AFF4: variants seen among roughly 807,000 people sequenced by gnomAD.
The protein encoded by AFF4 is ALF transcription elongation factor 4, also known as AF4/FMR2 family member 4.
AFF4 carries 13 observed loss-of-function variants against 124.8 expected under a neutral mutation model. The observed-to-expected ratio is 0.10, with a 90% CI of 0.07 to 0.17. The LOEUF is 0.17. Among genes scored for constraint, AFF4 ranks in the 10% least tolerant of loss-of-function variants. The probability of loss-of-function intolerance (pLI) is 1.00; values close to 1 mark genes in which losing one functional copy is unlikely to be tolerated. For synonymous variants in AFF4, 477 were observed against 496.1 expected (o/e 0.96, Z 0.51); for missense variants, 1,092 against 1,403.8 (o/e 0.78, Z 3.55).
chr5:132,925,067 C>T (rs1389614104), intron 5 of AFF4, among the ~76,000 whole-genome samples: 1 of 151,702 alleles, frequency 6.6e-6, no homozygotes, highest in Non-Finnish European at 1.5e-5. Flanking sequence ...CCCAGCTACT[C>T]GGGAGGCTGA....
intron 11 of AFF4, among the ~76,000 whole-genome samples, chr5:132,895,961 TTA>T (rs1330091933): frequency 5.9e-5 from 9 of 152,172 alleles, no homozygotes; most frequent in African/African-American, 1.9e-4. Context: ...ATGGTAGGGA[TTA>T]TAACAATACG....
chr5:132,900,839 T>G (rs1276296781), intron 7 of AFF4: 10 of 973,070 alleles, frequency 1.0e-5, no homozygotes, highest in Non-Finnish European at 1.1e-5. Flanking sequence ...ACTAGGAAAA[T>G]GTCTAATTTC....
chr5:132,879,050 G>C lies in AFF4; in HGVS notation c.*2009C>G, dbSNP rs1408874677. 4.5e-6 allele frequency: 1 copy of C among 222,146 alleles called. No individual in the cohort carries two copies. Among genetic ancestry groups the C allele is most frequent in the Admixed American group, 5.8e-5 (1 of 17,378 alleles). 13.8% of individuals were successfully genotyped at this position (222,146 alleles called of 1,614,324 possible). On this transcript the variant is annotated 3_prime_UTR_variant, in exon 21 of 21. Coordinates refer to ENST00000265343, the MANE Select transcript of AFF4 (RefSeq NM_014423.4). ...AGAAGTTGTCCTCTTATGGAAAACT[G>C]TTCCTAGAACACACTAAGATTAAGT...
intron 1 of AFF4, among the ~76,000 whole-genome samples, chr5:132,941,026 C>CA (rs35070481): frequency 4.0e-4 from 58 of 144,396 alleles, no homozygotes; most frequent in East Asian, 8.0e-4. Context: ...AACTACATCT[C>CA]AAAAAAAAAA....
intron 2 of AFF4, 145 bp downstream of exon 2, chr5:132,936,922 A>T: frequency 9.0e-7 from 1 of 1,105,340 alleles, no homozygotes; most frequent in Admixed American, 2.9e-5. Flanking sequence ...TCCCCAAAAA[A>T]TATCTTCTAT....
intron 5 of AFF4, among the ~76,000 whole-genome samples, chr5:132,907,374 T>G (rs1439316165): frequency 6.6e-6 from 1 of 152,128 alleles, no homozygotes; most frequent in Non-Finnish European, 1.5e-5. Context: ...ACCCAAACTC[T>G]CTGGCAACAC....
chr5:132,921,468 T>A (rs1039867612), intron 5 of AFF4, among the ~76,000 whole-genome samples: 1 of 123,660 alleles, frequency 8.1e-6, no homozygotes, highest in African/African-American at 3.1e-5. Flanking sequence ...TTTTCTTTTT[T>A]TTTTCTTTTT....
In AFF4 at chr5:132,876,366, T is replaced by C; in HGVS notation, c.*4693A>G. The C allele has an allele frequency of 4.4e-6, 1 of 228,702 alleles. No homozygotes were observed. Among genetic ancestry groups the C allele is most frequent in the Non-Finnish European group, 8.7e-6 (1 of 114,976 alleles). 14.2% of individuals were successfully genotyped at this position (228,702 alleles called of 1,614,324 possible). A position where few individuals can be genotyped will look rare whatever the true frequency, so the allele number is the denominator to read the frequency against. On this transcript the variant is annotated 3_prime_UTR_variant, in exon 21 of 21. Transcript: ENST00000265343. Reference sequence around the variant, plus strand: ...AGGCAGCATTTCCAAATTGATATTTTCCAGAGAGGAACATAGCAGGTAGAA... The same window carrying C: ...AGGCAGCATTTCCAAATTGATATTTCCCAGAGAGGAACATAGCAGGTAGAA...
Position 132,921,107 on chromosome 5 carries a change from A to G in AFF4, c.1050+6014T>C, listed in dbSNP as rs561274352. On this transcript the variant is annotated intron_variant, in intron 5 of 20. Transcript: ENST00000265343. ...GCGCCACTGCACTCTAGCCTGAGCGACAGAGCGAGACTCTGTCACAAAAAA... is the reference window on the plus strand; with the variant it reads ...GCGCCACTGCACTCTAGCCTGAGCGGCAGAGCGAGACTCTGTCACAAAAAA... Among the ~76,000 whole-genome samples, 12 of 149,918 alleles carry G rather than the reference A, an allele frequency of 8.0e-5. No individual in the cohort carries two copies. The South Asian group carries it at 2.2e-3, about 27-fold the overall frequency.
In AFF4 at chr5:132,934,235, C is replaced by G. The variant is rs141068875; in HGVS notation, c.830G>C (p.Ser277Thr). 8.2e-4 allele frequency: 1,321 copies of G among 1,614,064 alleles called. 1 individual carries two copies. The highest frequency in any genetic ancestry group is 1.1e-3 in the Non-Finnish European group (1,244 of 1,180,046). ...EPKLSSEHYS[S>T]QSHGNSMTEL... ...AGTCATGCTGTTGCCATGGGATTGG[C>G]TGCTGTAGTGCTCAGAGGACAGCTT... Residue 277 changes from serine to threonine, a missense_variant, in exon 3 of 21, where the codon AGC becomes ACC. By Grantham distance (58) the Ser-to-Thr change is moderately conservative (BLOSUM62 1). Around this residue, in one of 11 missense-constraint regions of AFF4, gnomAD observed 148 missense variants for 196.3 expected, o/e 0.75. Coordinates refer to ENST00000265343, the MANE Select transcript of AFF4 (RefSeq NM_014423.4).
rs751267126 is a variant in AFF4 at position 132,899,157 on chromosome 5, AAG to A, written c.1189-18_1189-17del. On this transcript the variant is annotated splice_polypyrimidine_tract_variant and intron_variant, in intron 8 of 20. Transcript: ENST00000265343. ...TATCACAATCCTAAAATTAAAACAT[AAG>A]AAAGAATCTGTGAATGAATAAACAG... 6.2e-7 allele frequency: 1 copy of A among 1,609,872 alleles called. No individual in the cohort carries two copies. Among genetic ancestry groups the A allele is most frequent in the Non-Finnish European group, 8.5e-7 (1 of 1,176,522 alleles).
Position 132,892,379 on chromosome 5 carries a change from C to T in AFF4, c.2422G>A (p.Glu808Lys). 6.2e-7 allele frequency: 1 copy of T among 1,613,572 alleles called. No homozygotes were observed. The highest frequency in any genetic ancestry group is 8.5e-7 in the Non-Finnish European group (1 of 1,179,570). The change falls in exon 13 of 21, where the codon GAA becomes AAA. Residue 808 changes from glutamate to lysine, a missense_variant. Physicochemically the swap from Glu to Lys is moderately conservative, Grantham distance 56. Coordinates refer to ENST00000265343, the MANE Select transcript of AFF4 (RefSeq NM_014423.4). ...GCGGGAGAAGGCAACAAATCCTTTT[C>T]TTTTGCAGCACTCTGCTTAGATGAC... ...RESSKQSAAKEKDLLPSPAGP... is the reference protein window; with the variant it reads ...RESSKQSAAKKKDLLPSPAGP...
intron 1 of AFF4, among the ~76,000 whole-genome samples, chr5:132,956,633 G>GAAAA (rs745801334): frequency 5.3e-5 from 5 of 94,564 alleles, no homozygotes; most frequent in African/African-American, 1.1e-4. Context: ...CTCCATCTCA[G>GAAAA]AAAAAAAAAA....
intron 5 of AFF4, among the ~76,000 whole-genome samples, chr5:132,919,499 T>A (rs1483483610): frequency 6.6e-6 from 1 of 152,146 alleles, no homozygotes; most frequent in Non-Finnish European, 1.5e-5. Context: ...TGTAACAATA[T>A]AGAAAAATTA....
chr5:132,936,321 T>C (rs986643204), intron 2 of AFF4, among the ~76,000 whole-genome samples: 1 of 147,784 alleles, frequency 6.8e-6, no homozygotes, highest in Non-Finnish European at 1.5e-5. Context: ...GCAGATTAGC[T>C]AACATTCGTA....
At chr5:132,936,064 G>A (rs1300043351) in intron 2 of AFF4, among the ~76,000 whole-genome samples, 1 of 151,606 alleles carries the variant, frequency 6.6e-6, no homozygotes, top group African/African-American at 2.4e-5. Context: ...TCAAGAGATC[G>A]AGACCATCCT....
In AFF4 at chr5:132,892,441, A is replaced by G. The variant is rs11739417; in HGVS notation, c.2397-37T>C. ...AACGAATGCCTTCATTTCTCCACAC[A>G]GTAATACAGGGGTAATTGATTTTTC... On this transcript the variant is annotated intron_variant, in intron 12 of 20. Coordinates refer to ENST00000265343, the MANE Select transcript of AFF4 (RefSeq NM_014423.4). The G allele has an allele frequency of 0.19, 302,714 of 1,582,724 alleles. 30,518 individuals carry two copies. Among genetic ancestry groups the G allele is most frequent in the African/African-American group, 0.29 (21,612 of 73,828 alleles).
At chr5:132,920,766 A>G (rs1439903736) in intron 5 of AFF4, among the ~76,000 whole-genome samples, 2 of 152,196 alleles carry the variant, frequency 1.3e-5, no homozygotes, top group Admixed American at 1.3e-4. Context: ...AAGAGAATGA[A>G]AAGGTAGTCC....
chr5:132,938,987 A>C (rs1337002123), intron 1 of AFF4, among the ~76,000 whole-genome samples: 1 of 150,356 alleles, frequency 6.7e-6, no homozygotes, highest in Non-Finnish European at 1.5e-5. Flanking sequence ...TTAGAAAAAA[A>C]AAAAAAAAAG....
Sources: allele counts gnomAD v4.1 joint callset (sites outside exome capture counted in the v4.1 genomes callset), GRCh38; gene constraint gnomAD v4.1.1; regional missense constraint gnomAD v4.1.1; transcripts MANE v1.5; gene names NCBI Gene and HGNC (gene_info 2026-07-23, HGNC 2026-07-21).